ACTR3: variants seen among roughly 807,000 people sequenced by gnomAD.
ACTR3 encodes actin-related protein 3.
Under a neutral mutation model 56.8 loss-of-function variants are expected in ACTR3, and 12 were observed. That is an observed-to-expected ratio of 0.21 (90% CI 0.14 to 0.34). The LOEUF is 0.34. ACTR3 is among the 10% of genes least tolerant of loss of function. The pLI is 1.00. For missense variants in ACTR3, 282 were observed against 512.5 expected, an observed-to-expected ratio of 0.55 and a Z score of 4.34; for synonymous variants, 162 against 167.4, an observed-to-expected ratio of 0.97 and a Z score of 0.25.
At chr2:113,931,119 T>C (rs751014738) in intron 4 of ACTR3, among the ~76,000 whole-genome samples, 182 bp from the exon 5 acceptor site, 17 of 152,126 alleles carry the variant, frequency 1.1e-4, no homozygotes, top group Non-Finnish European at 1.9e-4. Context: ...TGTTTTCATA[T>C]ATGTATGGAT....
chr2:113,952,283 G>T (rs1471735983), intron 10 of ACTR3: 2 of 156,064 alleles, frequency 1.3e-5, no homozygotes, highest in Non-Finnish European at 2.8e-5. Flanking sequence ...AAAGTGTGCA[G>T]TCAAATCGGT....
chr2:113,915,120 G>A (rs17045861), intron 2 of ACTR3, among the ~76,000 whole-genome samples: 84,274 of 152,116 alleles, frequency 0.55, 27,155 homozygotes, highest in Middle Eastern at 0.73. Flanking sequence ...TTAGACCATC[G>A]TGTATGTACT....
rs1679165529 is a variant in ACTR3 at position 113,904,883 on chromosome 2, G to GT, written c.45-8286dup. 4 of 151,836 alleles carry GT rather than the reference G, an allele frequency of 2.6e-5. No homozygotes were observed. The South Asian group carries it at 8.3e-4, about 31-fold the overall frequency. 9.4% of individuals were successfully genotyped at this position (151,836 alleles called of 1,614,324 possible). The stretch of plus-strand genomic sequence containing the variant: ...GTGTCTTTTTGCCTTTCCTTCTTTT[G>GT]TTTCCTCCCTTCCTGTCCTTCCCTC... On this transcript the variant is annotated intron_variant, in intron 1 of 11. Coordinates refer to ENST00000263238, the MANE Select transcript of ACTR3 (RefSeq NM_005721.5).
intron 5 of ACTR3, chr2:113,934,077 A>G (rs896821978): frequency 1.3e-5 from 7 of 519,272 alleles, no homozygotes; most frequent in Middle Eastern, 5.2e-4. Context: ...GTAAACCTCT[A>G]AGTTTGTCTT....
intron 5 of ACTR3, among the ~76,000 whole-genome samples, chr2:113,931,826 A>C (rs1679728081): frequency 6.7e-6 from 1 of 150,182 alleles, no homozygotes; most frequent in Non-Finnish European, 1.5e-5. Context: ...CACTTCTCTT[A>C]ATTTGTACGT....
chr2:113,927,954 G>A (rs1203611817), intron 4 of ACTR3, among the ~76,000 whole-genome samples: 6 of 151,812 alleles, frequency 4.0e-5, no homozygotes, highest in Non-Finnish European at 8.8e-5. Context: ...CATATTCCCC[G>A]GAGGCAAACA....
At chr2:113,918,219 T>G (rs912201266) in intron 3 of ACTR3, among the ~76,000 whole-genome samples, 8 of 152,214 alleles carry the variant, frequency 5.3e-5, no homozygotes, top group African/African-American at 1.9e-4. Flanking sequence ...GAATAATTTT[T>G]GCACTTAAAG....
chr2:113,950,097 C>T (rs1680094305), intron 8 of ACTR3, among the ~76,000 whole-genome samples: 1 of 152,136 alleles, frequency 6.6e-6, no homozygotes, highest in East Asian at 1.9e-4. Context: ...TTTCTTTGAG[C>T]CTCTGGTAAC....
chr2:113,903,294 G>T (rs1450295201), intron 1 of ACTR3, among the ~76,000 whole-genome samples: 1 of 152,064 alleles, frequency 6.6e-6, no homozygotes, highest in African/African-American at 2.4e-5. Flanking sequence ...TTCTGCTTGG[G>T]TGTTCTTGAG....
At chr2:113,945,819 A>T (rs1680010956) in intron 8 of ACTR3, among the ~76,000 whole-genome samples, 1 of 152,038 alleles carries the variant, frequency 6.6e-6, no homozygotes, top group African/African-American at 2.4e-5. Flanking sequence ...GATAGGCCCC[A>T]GTGTCTGTTG....
Position 113,960,451 on chromosome 2 carries a change from C to G in ACTR3, c.*2996C>G, listed in dbSNP as rs991501256. ...TAATATGAAATACAGGGATAATAGG[C>G]CAATTATGATCTTTATTTTTAATTT... On this transcript the variant is annotated 3_prime_UTR_variant, in exon 12 of 12. Coordinates refer to ENST00000263238, the MANE Select transcript of ACTR3 (RefSeq NM_005721.5). 1 of 151,654 alleles carries G rather than the reference C, an allele frequency of 6.6e-6. No individual in the cohort carries two copies. Among genetic ancestry groups the G allele is most frequent in the Non-Finnish European group, 1.5e-5 (1 of 67,826 alleles). 9.4% of individuals were successfully genotyped at this position (151,654 alleles called of 1,614,324 possible). A position where few individuals can be genotyped will look rare whatever the true frequency, so the allele number is the denominator to read the frequency against.
At chr2:113,955,973 C>T (rs1481599543) in intron 11 of ACTR3, among the ~76,000 whole-genome samples, 1 of 152,102 alleles carries the variant, frequency 6.6e-6, no homozygotes, top group Admixed American at 6.5e-5. Context: ...TCTTGAACTC[C>T]TGACCTTGGG....
intron 3 of ACTR3, 103 bp downstream of exon 3, chr2:113,917,111 A>G: frequency 6.3e-6 from 6 of 947,054 alleles, no homozygotes; most frequent in Non-Finnish European, 8.5e-6. Context: ...TAATATCCTC[A>G]AACCTCTTCT....
At chr2:113,903,440 C>T (rs1271806077) in intron 1 of ACTR3, among the ~76,000 whole-genome samples, 1 of 152,090 alleles carries the variant, frequency 6.6e-6, no homozygotes, top group Non-Finnish European at 1.5e-5. Flanking sequence ...AGCCTTGGCC[C>T]ACTGCAACCT....
chr2:113,921,255 C>A (rs763111769), intron 3 of ACTR3, among the ~76,000 whole-genome samples: 2 of 148,866 alleles, frequency 1.3e-5, no homozygotes, highest in African/African-American at 4.9e-5. Flanking sequence ...ATTTGTTGGC[C>A]GTTGATGTGA....
chr2:113,900,097 C>T (rs1679072479), intron 1 of ACTR3, among the ~76,000 whole-genome samples: 1 of 151,928 alleles, frequency 6.6e-6, no homozygotes, highest in African/African-American at 2.4e-5. Flanking sequence ...AGTTATAATT[C>T]ACATACTGTA....
At chr2:113,924,720 G>C (rs13388689) in intron 3 of ACTR3, among the ~76,000 whole-genome samples, 81 of 151,852 alleles carry the variant, frequency 5.3e-4, no homozygotes, top group African/African-American at 1.8e-3. Flanking sequence ...TGCAGTGTTT[G>C]TCTTTCTATA....
At chr2:113,944,124 T>C (rs989625138) in intron 8 of ACTR3, among the ~76,000 whole-genome samples, 3 of 152,156 alleles carry the variant, frequency 2.0e-5, no homozygotes, top group Non-Finnish European at 4.4e-5. Context: ...ACTTGGAGTT[T>C]TTCAGCATCT....
intron 1 of ACTR3, among the ~76,000 whole-genome samples, chr2:113,900,353 T>C (rs1268339368): frequency 6.6e-6 from 1 of 152,218 alleles, no homozygotes; most frequent in East Asian, 1.9e-4. Flanking sequence ...TTGCCTATTT[T>C]GGCCATTTCA....
Sources: allele counts gnomAD v4.1 joint callset (sites outside exome capture counted in the v4.1 genomes callset), GRCh38; gene constraint gnomAD v4.1.1; transcripts MANE v1.5; gene names NCBI Gene and HGNC (gene_info 2026-07-23, HGNC 2026-07-21).